Variants in CFH observed in about 807,000 individuals in gnomAD.
CFH encodes complement factor H, also known as H factor 1 (complement).
A neutral mutation model predicts 147.3 loss-of-function variants in CFH; 53 were observed. The ratio of observed to expected loss-of-function variants is 0.36; its 90% CI spans 0.29 to 0.45. The LOEUF (loss-of-function observed/expected upper bound fraction) is 0.45. Among genes scored for constraint, CFH ranks in the 20% least tolerant of loss-of-function variants. The pLI is 1.00. For synonymous variants in CFH, 536 were observed against 489.4 expected, an observed-to-expected ratio of 1.10 and a Z score of -1.26; for missense variants, 1,380 against 1,498.0, an observed-to-expected ratio of 0.92 and a Z score of 1.30.
intron 1 of CFH, 133 bp from the exon 2 acceptor site, chr1:196,672,843 GGA>G (rs55759441): frequency 0.032 from 15,910 of 503,758 alleles, 54 homozygotes; most frequent in African/African-American, 0.052. Flanking sequence ...TATGGGGTTA[GGA>G]GAGAGAGAGA....
At chr1:196,655,653 A>G (rs996610208) in intron 1 of CFH, among the ~76,000 whole-genome samples, 2 of 151,926 alleles carry the variant, frequency 1.3e-5, no homozygotes, top group African/African-American at 4.8e-5. Flanking sequence ...CTTCCCAGTT[A>G]TGCCTTCTCC....
At chr1:196,707,918 A>G (rs1336404285) in intron 9 of CFH, among the ~76,000 whole-genome samples, 2 of 152,168 alleles carry the variant, frequency 1.3e-5, no homozygotes, top group African/African-American at 4.8e-5. Context: ...CTTAAGCCAT[A>G]TATTTACTTG....
chr1:196,701,466 T>C (rs1668447500), intron 9 of CFH: 3 of 1,332,468 alleles, frequency 2.3e-6, no homozygotes, highest in Admixed American at 1.9e-5. Context: ...TTGTTATGTG[T>C]GTATTATTCC....
At chr1:196,653,914 T>C (rs1340242497) in intron 1 of CFH, among the ~76,000 whole-genome samples, 2 of 152,098 alleles carry the variant, frequency 1.3e-5, no homozygotes, top group African/African-American at 2.4e-5. Flanking sequence ...ATAATTTTCA[T>C]AAAAGCACAT....
intron 20 of CFH, among the ~76,000 whole-genome samples, chr1:196,745,537 G>T (rs534534171): frequency 7.9e-5 from 12 of 152,204 alleles, no homozygotes; most frequent in Admixed American, 7.2e-4. Context: ...AGTTTTCTAT[G>T]TTTAGCATGT....
intron 1 of CFH, among the ~76,000 whole-genome samples, chr1:196,662,773 T>C (rs1057211363): frequency 1.3e-5 from 2 of 151,912 alleles, no homozygotes; most frequent in East Asian, 1.9e-4. Flanking sequence ...TCACAGCTAC[T>C]TGGGGGGCTG....
chr1:196,671,242 G>C (rs531912059), intron 1 of CFH, among the ~76,000 whole-genome samples: 1 of 152,032 alleles, frequency 6.6e-6, no homozygotes, highest in Admixed American at 6.6e-5. Context: ...CTGTTATAAA[G>C]ACCTAACACT....
intron 11 of CFH, among the ~76,000 whole-genome samples, chr1:196,718,344 G>GTAA (rs1668920781): frequency 6.6e-6 from 1 of 152,078 alleles, no homozygotes; most frequent in Non-Finnish European, 1.5e-5. Flanking sequence ...GGAAGGAACT[G>GTAA]GAGATCTGTT....
chr1:196,724,905 A>C (rs1669099304), intron 11 of CFH, among the ~76,000 whole-genome samples: 1 of 152,228 alleles, frequency 6.6e-6, no homozygotes, highest in Non-Finnish European at 1.5e-5. Context: ...TTTTTAGAAC[A>C]GATATATTTC....
chr1:196,725,629 A>G (rs1406542642), intron 12 of CFH, among the ~76,000 whole-genome samples: 1 of 152,236 alleles, frequency 6.6e-6, no homozygotes, highest in African/African-American at 2.4e-5. Context: ...TCATGACTAT[A>G]AAATTCAAGA....
intron 6 of CFH, among the ~76,000 whole-genome samples, chr1:196,681,912 A>T (rs557284515): frequency 4.6e-5 from 7 of 151,950 alleles, no homozygotes; most frequent in Admixed American, 4.6e-4. Flanking sequence ...ATCTATACAC[A>T]TCATTTTCTC....
At chr1:196,700,657 AAAAAAAAAAAAG>A (rs1366055344) in intron 9 of CFH, among the ~76,000 whole-genome samples, 1 of 151,270 alleles carries the variant, frequency 6.6e-6, no homozygotes, top group African/African-American at 2.4e-5. Flanking sequence ...CCGTCTCAAA[AAAAAAAAAAAAG>A]AAAAGAAAAA....
chr1:196,691,712 T>C (rs1167472004), intron 9 of CFH, among the ~76,000 whole-genome samples: 1 of 151,936 alleles, frequency 6.6e-6, no homozygotes, highest in Non-Finnish European at 1.5e-5. Context: ...GGCTAGTATT[T>C]TTCTTTCCTT....
intron 11 of CFH, among the ~76,000 whole-genome samples, chr1:196,722,105 G>C (rs76507731): frequency 0.015 from 2,298 of 152,090 alleles, 58 homozygotes; most frequent in African/African-American, 0.052. Flanking sequence ...TACCTAGCTG[G>C]TTTGTAGTCC....
Position 196,730,320 on chromosome 1 carries a change from TTAAAATG to T in CFH, c.2413+1799_2413+1805del, listed in dbSNP as rs756594558. On this transcript the variant is annotated intron_variant, in intron 15 of 21. Transcript: ENST00000367429. Reference sequence around the variant, plus strand: ...TTACTGAAAATATTTTTAAATTTATTTAAAATGGTTTGACCCTATGATTGTTTCAGAG... The same window carrying T: ...TTACTGAAAATATTTTTAAATTTATTGTTTGACCCTATGATTGTTTCAGAG... Among the ~76,000 whole-genome samples, 325 of 152,034 alleles carry T rather than the reference TTAAAATG, an allele frequency of 2.1e-3. 2 individuals carry two copies. The highest frequency in any genetic ancestry group is 2.9e-3 in the Non-Finnish European group (197 of 67,846).
rs530275810 is a variant in CFH, at chr1:196,711,531, G to C, written c.1337-2204G>C. ...AGCAGCTTTGGAACTTCTCAAGTCTGTACATCTGTGAGACCCCAAGGATTA... is the reference window on the plus strand; with the variant it reads ...AGCAGCTTTGGAACTTCTCAAGTCTCTACATCTGTGAGACCCCAAGGATTA... On this transcript the variant is annotated intron_variant, in intron 9 of 21. Transcript: ENST00000367429. Among the ~76,000 whole-genome samples, 11 of 152,026 alleles carry C rather than the reference G, an allele frequency of 7.2e-5. No individual in the cohort carries two copies. In the East Asian group the frequency reaches 2.1e-3, roughly 29 times the overall value.
At chr1:196,730,433 C>G (rs1669255921) in intron 15 of CFH, among the ~76,000 whole-genome samples, 1 of 151,726 alleles carries the variant, frequency 6.6e-6, no homozygotes, top group Admixed American at 6.6e-5. Flanking sequence ...CCTTTGTTGT[C>G]AGAAAAGTGA....
chr1:196,682,865 A>G (rs1667703014), intron 6 of CFH, among the ~76,000 whole-genome samples: 1 of 151,626 alleles, frequency 6.6e-6, no homozygotes. Context: ...AGCTATAGAG[A>G]TATATTAAAG....
chr1:196,686,887 C>A (rs1251032627), intron 7 of CFH, among the ~76,000 whole-genome samples: 1 of 151,936 alleles, frequency 6.6e-6, no homozygotes, highest in Non-Finnish European at 1.5e-5. Flanking sequence ...ATTAAATAAC[C>A]ATATCTAATT....
Sources: allele counts gnomAD v4.1 joint callset (sites outside exome capture counted in the v4.1 genomes callset), GRCh38; gene constraint gnomAD v4.1.1; transcripts MANE v1.5; gene names NCBI Gene and HGNC (gene_info 2026-07-23, HGNC 2026-07-21).